GLRA2: variants seen among roughly 807,000 people sequenced by gnomAD.
The protein encoded by GLRA2 is glycine receptor subunit alpha-2.
Under a neutral mutation model 31.6 loss-of-function variants are expected in GLRA2, and 11 were observed. That is an observed-to-expected ratio of 0.35 (90% CI 0.22 to 0.58). GLRA2 has a LOEUF of 0.58. Among genes scored for constraint, GLRA2 ranks in the 20% least tolerant of loss-of-function variants. GLRA2 has a pLI of 0.84. For synonymous variants in GLRA2, 132 were observed against 134.0 expected (o/e 0.99, Z 0.10); for missense variants, 212 against 351.8 (o/e 0.60, Z 3.18).
rs768725393 is a variant in GLRA2 at position 14,597,130 on chromosome X, C to T, written c.495-7185C>T. Among the ~76,000 whole-genome samples, 4 of 111,917 alleles carry T rather than the reference C, an allele frequency of 3.6e-5. No homozygotes were observed. The South Asian group carries it at 1.5e-3, about 42-fold the overall frequency. On this transcript the variant is annotated intron_variant, in intron 4 of 8. Coordinates refer to ENST00000218075, the MANE Select transcript of GLRA2 (RefSeq NM_002063.4). ...ACTTGATGCATCCTGTCAAATCTCC[C>T]TGACACTAGAATGTCACATGGTTCA...
At chrX:14,459,974 T>G in the GLRA2 span, among the ~76,000 whole-genome samples, 2 of 111,903 alleles carry the variant, frequency 1.8e-5, no homozygotes, top group African/African-American at 3.3e-5. Flanking sequence ...ATGCTTCCAG[T>G]TTTTGCCCAT....
chrX:14,707,274 T>A (rs2091637298), intron 8 of GLRA2, among the ~76,000 whole-genome samples: 1 of 111,023 alleles, frequency 9.0e-6, no homozygotes, highest in Non-Finnish European at 1.9e-5. Flanking sequence ...GGCTGGTGCT[T>A]TATTTGCTGG....
At chrX:14,698,777 A>G (rs2091490504) in intron 8 of GLRA2, among the ~76,000 whole-genome samples, 1 of 109,972 alleles carries the variant, frequency 9.1e-6, no homozygotes, top group Non-Finnish European at 1.9e-5. Flanking sequence ...CTGAAATAAC[A>G]TACAGGTTGA....
chrX:14,537,692 G>A (rs2089344199), intron 2 of GLRA2, among the ~76,000 whole-genome samples: 1 of 110,901 alleles, frequency 9.0e-6, no homozygotes, highest in African/African-American at 3.3e-5. Context: ...AGCCCAATTA[G>A]TATTTTACTC....
Position 14,557,219 on chromosome X carries a change from C to G in GLRA2, c.203-17114C>G, listed in dbSNP as rs1196627454. Among the ~76,000 whole-genome samples the G allele has an allele frequency of 1.4e-3, 139 of 97,465 alleles. 1 individual carries two copies. The highest frequency in any genetic ancestry group is 1.7e-3 in the Non-Finnish European group (84 of 49,433). The allele number at this position is 97,465 out of a possible 115,157, so 84.6% of individuals were successfully genotyped here. A position where few individuals can be genotyped will look rare whatever the true frequency, so the allele number is the denominator to read the frequency against. On this transcript the variant is annotated intron_variant, in intron 2 of 8. Coordinates refer to ENST00000218075, the MANE Select transcript of GLRA2 (RefSeq NM_002063.4). The stretch of plus-strand genomic sequence containing the variant: ...TAAGCTCCGCCTCCTGGGTTCACGC[C>G]ATTCTCCTGCCTCAGCCTCCCGAGT...
chrX:14,670,631 A>G, intron 7 of GLRA2, among the ~76,000 whole-genome samples: 1 of 110,921 alleles, frequency 9.0e-6, no homozygotes. Flanking sequence ...ATCTCGCGAG[A>G]CTTATTCACT....
At chrX:14,718,400 ATTGAAAGTGTAATAT>A (rs1298573003) in intron 8 of GLRA2, among the ~76,000 whole-genome samples, 1 of 112,373 alleles carries the variant, frequency 8.9e-6, no homozygotes, top group African/African-American at 3.2e-5. Context: ...ATAACTAGCT[ATTGAAAGTGTAATAT>A]TTGGCACAAC....
chrX:14,651,675 A>T (rs139078056), intron 7 of GLRA2, among the ~76,000 whole-genome samples: 131 of 111,875 alleles, frequency 1.2e-3, no homozygotes, highest in Non-Finnish European at 1.3e-3. Context: ...CTATAAGTAC[A>T]ATCTATAATG....
intron 3 of GLRA2, among the ~76,000 whole-genome samples, chrX:14,576,539 T>C (rs761630914): frequency 8.9e-6 from 1 of 112,053 alleles, no homozygotes; most frequent in African/African-American, 3.2e-5. Flanking sequence ...TAATGCTGAT[T>C]GCATTAATTA....
chrX:14,724,366 C>T (rs2147263166), intron 8 of GLRA2, among the ~76,000 whole-genome samples: 1 of 110,326 alleles, frequency 9.1e-6, no homozygotes, highest in Admixed American at 9.7e-5. Context: ...TGGCTCACAC[C>T]TGTAATCCCA....
the GLRA2 span, among the ~76,000 whole-genome samples, chrX:14,503,946 T>A: frequency 8.9e-6 from 1 of 111,928 alleles, no homozygotes; most frequent in African/African-American, 3.3e-5. Context: ...AATTTACTCA[T>A]ATATAGAAAA....
chrX:14,604,271 C>T (rs1205932972), intron 4 of GLRA2, 44 bp from the exon 5 acceptor site: 1 of 801,523 alleles, frequency 1.2e-6, no homozygotes, highest in Non-Finnish European at 1.9e-6. Flanking sequence ...AACTGGACTT[C>T]ATAGATTTAA....
chrX:14,545,526 T>C (rs2089467192), intron 2 of GLRA2, among the ~76,000 whole-genome samples: 1 of 111,714 alleles, frequency 9.0e-6, no homozygotes, highest in Non-Finnish European at 1.9e-5. Flanking sequence ...GGGGGACACA[T>C]TAAAACCACA....
At chrX:14,490,996 G>T in the GLRA2 span, among the ~76,000 whole-genome samples, 1 of 111,566 alleles carries the variant, frequency 9.0e-6, no homozygotes, top group Non-Finnish European at 1.9e-5. Context: ...CTTTTCTCCA[G>T]TCTATCTCTA....
chrX:14,485,982 C>A, the GLRA2 span, among the ~76,000 whole-genome samples: 1 of 111,661 alleles, frequency 9.0e-6, no homozygotes, highest in African/African-American at 3.3e-5. Context: ...TAAATGGACG[C>A]ACAGATTAGT....
the GLRA2 span, among the ~76,000 whole-genome samples, chrX:14,454,188 CCACACACACACACA>C: frequency 5.9e-5 from 6 of 101,492 alleles, no homozygotes; most frequent in East Asian, 9.6e-4. Context: ...ACCCACACAC[CCACACACACACACA>C]CACACACACA....
the GLRA2 span, among the ~76,000 whole-genome samples, chrX:14,487,080 A>G: frequency 2.7e-5 from 3 of 110,471 alleles, no homozygotes; most frequent in East Asian, 8.5e-4. Flanking sequence ...TTTAAACTAT[A>G]TTATATACTA....
intron 8 of GLRA2, among the ~76,000 whole-genome samples, chrX:14,718,176 TAAG>T (rs1380575603): frequency 9.0e-6 from 1 of 111,227 alleles, no homozygotes; most frequent in Non-Finnish European, 1.9e-5. Flanking sequence ...CTCAAGTGAC[TAAG>T]ATAAGATACA....
chrX:14,680,346 T>C (rs185364436), intron 7 of GLRA2, among the ~76,000 whole-genome samples: 3 of 79,601 alleles, frequency 3.8e-5, no homozygotes, highest in African/African-American at 1.6e-4. Context: ...GCTCTCAATG[T>C]TTGTTTTTGT....
Sources: allele counts gnomAD v4.1 joint callset (sites outside exome capture counted in the v4.1 genomes callset), GRCh38; gene constraint gnomAD v4.1.1; transcripts MANE v1.5; gene names NCBI Gene and HGNC (gene_info 2026-07-23, HGNC 2026-07-21).